The following NBEA variants were observed in gnomAD, a reference collection of about 807,000 sequenced individuals.
The protein encoded by NBEA is lysosomal-trafficking regulator 2.
In NBEA, 44 loss-of-function variants were observed where a neutral mutation model predicts 343.4. The observed-to-expected ratio is 0.13, with a 90% confidence interval of 0.10 to 0.16. NBEA has a LOEUF of 0.16. NBEA is among the 10% of genes least tolerant of loss of function. The pLI, the probability that NBEA is intolerant of heterozygous loss-of-function variation, is 1.00. For synonymous variants in NBEA, 1,175 were observed against 1,238.7 expected (o/e 0.95, Z 1.08); for missense variants, 2,555 against 3,631.3 (o/e 0.70, Z 7.62).
chr13:35,535,116 T>C (rs2078471701), intron 41 of NBEA, among the ~76,000 whole-genome samples: 2 of 152,060 alleles, frequency 1.3e-5, no homozygotes, highest in Non-Finnish European at 2.9e-5. Flanking sequence ...CAATTATAGA[T>C]ATTTGTGAAA....
intron 8 of NBEA, among the ~76,000 whole-genome samples, chr13:35,065,446 G>A (rs1366974941): frequency 6.6e-6 from 1 of 151,838 alleles, no homozygotes; most frequent in Non-Finnish European, 1.5e-5. Context: ...GTCACTGTGA[G>A]TTAATTTCTC....
At chr13:35,505,229 T>A (rs955192152) in intron 41 of NBEA, among the ~76,000 whole-genome samples, 3 of 152,038 alleles carry the variant, frequency 2.0e-5, no homozygotes, top group Admixed American at 6.6e-5. Context: ...ACTGGCTTTT[T>A]AAAAAAAATT....
chr13:35,643,236 G>A (rs982559796), intron 49 of NBEA, among the ~76,000 whole-genome samples: 3 of 151,910 alleles, frequency 2.0e-5, no homozygotes, highest in African/African-American at 7.3e-5. Flanking sequence ...TCTTTCCTAA[G>A]AACCTATTCC....
At chr13:34,951,328 G>T (rs1009009183) in intron 1 of NBEA, among the ~76,000 whole-genome samples, 8 of 152,094 alleles carry the variant, frequency 5.3e-5, no homozygotes, top group African/African-American at 1.9e-4. Context: ...GTGTAAAATG[G>T]GATTTCAACC....
intron 41 of NBEA, among the ~76,000 whole-genome samples, chr13:35,507,307 A>ACCTTTT (rs113866825): frequency 0.019 from 2,818 of 150,798 alleles, 87 homozygotes; most frequent in African/African-American, 0.063. Context: ...CAGTTCTTGG[A>ACCTTTT]CCTTTTTTTT....
chr13:34,994,951 T>C (rs1400289706), intron 1 of NBEA, among the ~76,000 whole-genome samples: 1 of 152,172 alleles, frequency 6.6e-6, no homozygotes, highest in Non-Finnish European at 1.5e-5. Context: ...TTATTATACA[T>C]TGAAACACAA....
intron 36 of NBEA, among the ~76,000 whole-genome samples, chr13:35,335,055 T>C (rs2039167344): frequency 6.6e-6 from 1 of 152,162 alleles, no homozygotes; most frequent in Non-Finnish European, 1.5e-5. Context: ...AGGGGTCTAG[T>C]TTCATTCTTC....
chr13:35,093,073 A>G (rs1282174069), intron 10 of NBEA, among the ~76,000 whole-genome samples: 1 of 152,030 alleles, frequency 6.6e-6, no homozygotes, highest in Non-Finnish European at 1.5e-5. Flanking sequence ...TTACAAAGGG[A>G]GACTTAGAAG....
intron 38 of NBEA, among the ~76,000 whole-genome samples, chr13:35,424,752 G>T (rs2152925997): frequency 6.6e-6 from 1 of 152,284 alleles, no homozygotes; most frequent in Non-Finnish European, 1.5e-5. Flanking sequence ...ACCTCTGGTA[G>T]AATTCGGCTG....
chr13:35,218,759 T>C (rs1269194721), intron 33 of NBEA, among the ~76,000 whole-genome samples: 1 of 152,052 alleles, frequency 6.6e-6, no homozygotes, highest in Non-Finnish European at 1.5e-5. Flanking sequence ...AAGATGATCA[T>C]GTGGTTTTTC....
intron 41 of NBEA, among the ~76,000 whole-genome samples, chr13:35,498,556 G>A (rs1270081170): frequency 3.0e-4 from 45 of 151,922 alleles, no homozygotes; most frequent in Non-Finnish European, 1.5e-5. Context: ...TACATCATCA[G>A]GATAACTTAA....
chr13:35,644,144 C>G (rs529174270), intron 49 of NBEA, among the ~76,000 whole-genome samples: 1 of 152,260 alleles, frequency 6.6e-6, no homozygotes, highest in South Asian at 2.1e-4. Flanking sequence ...TCCTTTGGGT[C>G]ATGAAGGCAT....
intron 18 of NBEA, among the ~76,000 whole-genome samples, chr13:35,153,173 C>CAGGT (rs1449058093): frequency 6.6e-6 from 1 of 151,592 alleles, no homozygotes; most frequent in Non-Finnish European, 1.5e-5. Context: ...GCTGGGACTA[C>CAGGT]AGGTGCCTGC....
At chr13:35,230,827 AACACC>A (rs1434079526) in intron 33 of NBEA, among the ~76,000 whole-genome samples, 2 of 152,024 alleles carry the variant, frequency 1.3e-5, no homozygotes, top group African/African-American at 4.8e-5. Flanking sequence ...CAGCAGCATC[AACACC>A]ACTGACTGAG....
chr13:35,483,536 T>C (rs9600830), intron 41 of NBEA, among the ~76,000 whole-genome samples: 12 of 152,024 alleles, frequency 7.9e-5, no homozygotes, highest in Non-Finnish European at 1.0e-4. Flanking sequence ...TATGTAAATG[T>C]AGATGGTTAC....
At chr13:35,188,906 G>GTTTTTTTTTTTTTTTTTT (rs571102808) in intron 30 of NBEA, among the ~76,000 whole-genome samples, 1 of 109,776 alleles carries the variant, frequency 9.1e-6, no homozygotes, top group Non-Finnish European at 1.9e-5. Context: ...TTTACTTTTT[G>GTTTTTTTTTTTTTTTTTT]TTTTTTTTTT....
intron 41 of NBEA, among the ~76,000 whole-genome samples, chr13:35,478,489 G>C (rs966931127): frequency 3.9e-5 from 6 of 152,214 alleles, no homozygotes; most frequent in Admixed American, 6.5e-5. Flanking sequence ...GCCCTCACCC[G>C]GCGCGTGTGG....
chr13:35,446,629 A>G (rs1039701375), intron 39 of NBEA, among the ~76,000 whole-genome samples: 2 of 152,172 alleles, frequency 1.3e-5, no homozygotes, highest in Non-Finnish European at 1.5e-5. Context: ...GCAGACAAAA[A>G]CATTCAGCTT....
intron 1 of NBEA, among the ~76,000 whole-genome samples, chr13:34,965,518 G>A (rs533172050): frequency 2.5e-4 from 38 of 152,068 alleles, no homozygotes; most frequent in Non-Finnish European, 4.3e-4. Flanking sequence ...GGTGGAGTGA[G>A]GGCATTCCAG....
Sources: allele counts gnomAD v4.1 joint callset (sites outside exome capture counted in the v4.1 genomes callset), GRCh38; gene constraint gnomAD v4.1.1; transcripts MANE v1.5; gene names NCBI Gene and HGNC (gene_info 2026-07-23, HGNC 2026-07-21).